Variants in SLC38A10 observed in about 807,000 individuals in gnomAD.
SLC38A10 encodes the protein Sodium-coupled neutral amino acid transporter 10.
A neutral mutation model predicts 81.0 loss-of-function variants in SLC38A10; 53 were observed. The observed-to-expected ratio is 0.65, with a 90% CI of 0.53 to 0.82. The LOEUF is 0.82. Among genes scored for constraint, SLC38A10 ranks in the 40% least tolerant of loss-of-function variants. The probability of loss-of-function intolerance (pLI) is 0.00; values close to 1 mark genes in which losing one functional copy is unlikely to be tolerated. For missense variants in SLC38A10, 1,471 were observed against 1,545.0 expected (o/e 0.95, Z 0.80); for synonymous variants, 665 against 655.3 (o/e 1.01, Z -0.23).
intron 14 of SLC38A10, among the ~76,000 whole-genome samples, chr17:81,249,797 A>T (rs2062893870): frequency 6.6e-6 from 1 of 152,132 alleles, no homozygotes; most frequent in African/African-American, 2.4e-5. Flanking sequence ...CTGCACTCAG[A>T]CGCTTGCAGA....
intron 8 of SLC38A10, 114 bp downstream of exon 8, chr17:81,275,855 C>G: frequency 7.8e-7 from 1 of 1,286,194 alleles, no homozygotes; most frequent in Non-Finnish European, 1.1e-6. Flanking sequence ...CGGGACTCCT[C>G]TGACGCAAAT....
intron 11 of SLC38A10, among the ~76,000 whole-genome samples, chr17:81,255,845 T>C (rs574219089): frequency 1.5e-4 from 23 of 152,208 alleles, no homozygotes; most frequent in South Asian, 8.3e-4. Flanking sequence ...ATTAGCCGGG[T>C]GTGGTGCCGC....
Position 81,281,055 on chromosome 17 carries a change from G to A in SLC38A10, c.502-322C>T, listed in dbSNP as rs557782460. Among the ~76,000 whole-genome samples, 2 of 152,354 alleles carry A rather than the reference G, an allele frequency of 1.3e-5. No individual in the cohort carries two copies. The highest frequency in any genetic ancestry group is 2.1e-4 in the South Asian group (1 of 4,830). On this transcript the variant is annotated intron_variant, in intron 5 of 15. Coordinates refer to ENST00000374759, the MANE Select transcript of SLC38A10 (RefSeq NM_001037984.3). This position sits in a 1 kb window ranked among gnomAD's most constrained non-coding sequence, Gnocchi z 5.3. ...CTGAGCATGCATGGCCCCAGTTTCC[G>A]TCGGTTACAGAGGCTGGTTTCCCAC...
chr17:81,251,108 C>G, intron 14 of SLC38A10: 1 of 1,504,920 alleles, frequency 6.6e-7, no homozygotes, highest in South Asian at 1.4e-5. Flanking sequence ...GGTGCAGGCA[C>G]GCCCACACCT....
chr17:81,285,017 G>T, intron 2 of SLC38A10, 122 bp from the exon 3 acceptor site: 1 of 712,262 alleles, frequency 1.4e-6, no homozygotes, highest in Non-Finnish European at 2.1e-6. Flanking sequence ...ATTCTCCGGG[G>T]CATGAGGGGT....
At chr17:81,294,725 A>G (rs894704476) in intron 1 of SLC38A10, 98 bp downstream of exon 1, 2 of 1,127,500 alleles carry the variant, frequency 1.8e-6, no homozygotes, top group African/African-American at 3.3e-5. Flanking sequence ...CGCCCAGCGA[A>G]GCCCTGCCCC....
Position 81,271,002 on chromosome 17 carries a change from T to A in SLC38A10, c.1047A>T (p.Thr349=). Residue 349 remains threonine, a synonymous_variant, in exon 10 of 16, where the codon ACA becomes ACT. Coordinates refer to ENST00000374759, the MANE Select transcript of SLC38A10 (RefSeq NM_001037984.3). ...AGATGAGGCTTCCCATGGTCGCTCC[T>A]GTGAGGCCCAGGATGGTCTCCACTA... ...IPNVETILGL[T]GATMGSLICF... The A allele has an allele frequency of 6.2e-7, 1 of 1,612,660 alleles. No homozygotes were observed. Among genetic ancestry groups the A allele is most frequent in the Non-Finnish European group, 8.5e-7 (1 of 1,179,822 alleles).
intron 13 of SLC38A10, 102 bp downstream of exon 13, chr17:81,252,093 G>T: frequency 6.9e-7 from 1 of 1,441,810 alleles, no homozygotes; most frequent in South Asian, 1.4e-5. Flanking sequence ...CAGGGAGAGA[G>T]ACTGGGGACT....
chr17:81,277,161 G>C lies in SLC38A10; in HGVS notation c.627-28C>G, dbSNP rs368616700. On this transcript the variant is annotated intron_variant, in intron 6 of 15. Transcript: ENST00000374759. This position sits in a 1 kb window ranked among gnomAD's most constrained non-coding sequence, Gnocchi z 4.5. The stretch of plus-strand genomic sequence containing the variant: ...GTATAGAAACAGGCCATTTCACAGC[G>C]GACCTGAGAGAGGCACGCCCTCCCC... 4 of 1,606,536 alleles carry C rather than the reference G, an allele frequency of 2.5e-6. No homozygotes were observed. The African/African-American group carries it at 5.4e-5, about 21-fold the overall frequency.
At chr17:81,260,984 T>C (rs2063018234) in intron 10 of SLC38A10, among the ~76,000 whole-genome samples, 1 of 152,218 alleles carries the variant, frequency 6.6e-6, no homozygotes, top group African/African-American at 2.4e-5. Flanking sequence ...CCCAAAGTCA[T>C]CACAGCTGGC....
At position 81,273,948 on chromosome 17, in the gene SLC38A10, G is replaced by A. The variant is rs544491903; in HGVS notation, c.913-1321C>T. Among the ~76,000 whole-genome samples, 8 of 152,356 alleles carry A rather than the reference G, an allele frequency of 5.3e-5. No homozygotes were observed. In the South Asian group the frequency reaches 1.4e-3, roughly 28 times the overall value. ...CCGCAGCCGCACCTCCGGGAAAGGA[G>A]CAGCCACGGGCGCTGACGGAGGAAA... On this transcript the variant is annotated intron_variant, in intron 8 of 15. Transcript: ENST00000374759.
rs531061954 is a variant in SLC38A10 at position 81,281,733 on chromosome 17, G to A, written c.501+456C>T. Among the ~76,000 whole-genome samples, 23 of 152,162 alleles carry A rather than the reference G, an allele frequency of 1.5e-4. No individual in the cohort carries two copies. The highest frequency in any genetic ancestry group is 4.3e-4 in the African/African-American group (18 of 41,496). ...GGAGGTTGCAGTGAGCCGAGATTGC[G>A]CCACTGCACTCCAGCCTGGGCGACA... On this transcript the variant is annotated intron_variant, in intron 5 of 15. Coordinates refer to ENST00000374759, the MANE Select transcript of SLC38A10 (RefSeq NM_001037984.3). This position sits in a 1 kb window ranked among gnomAD's most constrained non-coding sequence, Gnocchi z 5.3.
rs561261394 is a variant in SLC38A10 at position 81,251,535 on chromosome 17, C to A, written c.2023G>T (p.Val675Leu). 4.5e-6 allele frequency: 7 copies of A among 1,562,158 alleles called. No individual in the cohort carries two copies. Among genetic ancestry groups the A allele is most frequent in the East Asian group, 2.3e-5 (1 of 44,242 alleles). ...GCCTGGTTTCCACCCGCTCGCTCCA[C>A]GTCCCTCTGCTCGCGAGGCTCGGGC... ...LPPEPREQRD[V>L]ERAGGNQAAS... Residue 675 changes from valine (V) to leucine (L), a missense_variant, in exon 14 of 16, where the codon GTG becomes TTG. Val to Leu is a conservative substitution (Grantham distance 32). Transcript: ENST00000374759.
Position 81,289,284 on chromosome 17 carries a change from C to T in SLC38A10, c.217+407G>A, listed in dbSNP as rs141774497. 7.7e-3 allele frequency among the ~76,000 whole-genome samples: 1,177 copies of T among 152,170 alleles called. 12 individuals are homozygous for T. Among genetic ancestry groups the T allele is most frequent in the African/African-American group, 0.027 (1,115 of 41,508 alleles). On this transcript the variant is annotated intron_variant, in intron 2 of 15. Coordinates refer to ENST00000374759, the MANE Select transcript of SLC38A10 (RefSeq NM_001037984.3). The surrounding 1 kb of genome is among the most constrained non-coding windows in gnomAD (Gnocchi z 5.9). ...CTCGAACTCCTGACCTCAAATAATCCGCCTGCCTCGGCCTGCCAAAGTGCT... is the reference window on the plus strand; with the variant it reads ...CTCGAACTCCTGACCTCAAATAATCTGCCTGCCTCGGCCTGCCAAAGTGCT...
intron 3 of SLC38A10, 121 bp downstream of exon 3, chr17:81,284,729 G>A (rs1399561615): frequency 5.5e-6 from 4 of 727,090 alleles, no homozygotes; most frequent in South Asian, 4.8e-5. Flanking sequence ...TGTATTTAGC[G>A]ACTCTTCAGA....
chr17:81,263,949 G>T (rs904586632), intron 10 of SLC38A10: 12 of 152,448 alleles, frequency 7.9e-5, no homozygotes, highest in Non-Finnish European at 1.5e-5. Context: ...ATTCACTGAA[G>T]TCCCCAAGGC....
At chr17:81,282,456 C>T (rs1364924446) in intron 4 of SLC38A10, 124 bp from the exon 5 acceptor site, 32 of 1,361,330 alleles carry the variant, frequency 2.4e-5, no homozygotes, top group Non-Finnish European at 3.2e-5. Flanking sequence ...TGAATGACGC[C>T]GGCGGGTCTG....
Position 81,291,034 on chromosome 17 carries a change from T to C in SLC38A10, c.100-1226A>G, listed in dbSNP as rs373059743. Among the ~76,000 whole-genome samples the C allele has an allele frequency of 2.0e-5, 3 of 152,042 alleles. 1 individual carries two copies. The East Asian group carries it at 5.8e-4, about 29-fold the overall frequency. On this transcript the variant is annotated intron_variant, in intron 1 of 15. Coordinates refer to ENST00000374759, the MANE Select transcript of SLC38A10 (RefSeq NM_001037984.3). ...AAAATAAAAAGAGAGTGAATCTTCC[T>C]GCATGTCCACTACCTCCATCGAGGT...
intron 6 of SLC38A10, among the ~76,000 whole-genome samples, chr17:81,279,512 C>A (rs775924788): frequency 6.6e-6 from 1 of 152,182 alleles, no homozygotes; most frequent in Non-Finnish European, 1.5e-5. Flanking sequence ...CAGCGGCCAG[C>A]ACAAGGAGGG....
Sources: allele counts gnomAD v4.1 joint callset (sites outside exome capture counted in the v4.1 genomes callset), GRCh38; gene constraint gnomAD v4.1.1; non-coding constraint Gnocchi (gnomAD v3.1); transcripts MANE v1.5; gene names NCBI Gene and HGNC (gene_info 2026-07-23, HGNC 2026-07-21).